The following PPFIA1 variants were observed in gnomAD, a reference collection of about 807,000 sequenced individuals.
PPFIA1 encodes the protein liprin-alpha-1.
PPFIA1 carries 25 observed loss-of-function variants against 149.9 expected under a neutral mutation model. The observed-to-expected ratio is 0.17, with a 90% CI of 0.12 to 0.23. The LOEUF is 0.23. Ranked by LOEUF, PPFIA1 falls within the 10% of genes least tolerant of loss-of-function variation. PPFIA1 has a pLI of 1.00. For synonymous variants in PPFIA1, 549 were observed against 552.8 expected, an observed-to-expected ratio of 0.99 and a Z score of 0.10; for missense variants, 1,362 against 1,506.5, an observed-to-expected ratio of 0.90 and a Z score of 1.59.
chr11:70,305,635 G>A (rs2136423289), intron 2 of PPFIA1, among the ~76,000 whole-genome samples: 1 of 152,274 alleles, frequency 6.6e-6, no homozygotes, highest in Admixed American at 6.5e-5. Context: ...CTCCCAAAGT[G>A]TTGGGATTGC....
chr11:70,283,926 G>C lies in PPFIA1; in HGVS notation c.264+11490G>C, dbSNP rs188155062. ...TTATCTGGCCCCAAATGTTGGAAGT[G>C]TCCAGGTTTAGGTATAAAGAATCAG... On this transcript the variant is annotated intron_variant, in intron 2 of 27. Transcript: ENST00000253925. The C allele has an allele frequency of 1.1e-3, 519 of 490,024 alleles. 1 individual carries two copies. The highest frequency in any genetic ancestry group is 9.6e-3 in the African/African-American group (492 of 51,124). The allele number at this position is 490,024 out of a possible 1,614,324, so 30.4% of individuals were successfully genotyped here. A position where few individuals can be genotyped will look rare whatever the true frequency, so the allele number is the denominator to read the frequency against.
At chr11:70,379,493 G>A (rs2057620167) in intron 26 of PPFIA1, among the ~76,000 whole-genome samples, 1 of 151,658 alleles carries the variant, frequency 6.6e-6, no homozygotes. Flanking sequence ...GTGCTAATTA[G>A]GGGCCAAGCA....
chr11:70,286,522 A>G (rs2051138250), intron 2 of PPFIA1, among the ~76,000 whole-genome samples: 1 of 152,090 alleles, frequency 6.6e-6, no homozygotes, highest in Non-Finnish European at 1.5e-5. Context: ...AAGTGCTGGG[A>G]TTACAGGCGT....
At chr11:70,378,852 G>A (rs533391272) in intron 26 of PPFIA1, among the ~76,000 whole-genome samples, 4 of 152,272 alleles carry the variant, frequency 2.6e-5, no homozygotes, top group African/African-American at 9.6e-5. Context: ...TTGATTTGAG[G>A]TTAACAGTTG....
intron 2 of PPFIA1, among the ~76,000 whole-genome samples, chr11:70,303,191 C>T (rs915552261): frequency 1.8e-4 from 28 of 152,100 alleles, no homozygotes; most frequent in African/African-American, 2.7e-4. Context: ...TTCTAGACCC[C>T]GGTCTGACGC....
intron 2 of PPFIA1, among the ~76,000 whole-genome samples, chr11:70,282,920 A>G (rs779513689): frequency 8.2e-5 from 12 of 146,476 alleles, no homozygotes; most frequent in African/African-American, 3.1e-4. Flanking sequence ...GCTCACTGCA[A>G]CCTCCATGTC....
intron 2 of PPFIA1, among the ~76,000 whole-genome samples, chr11:70,311,300 C>T (rs1229110377): frequency 6.8e-6 from 1 of 147,478 alleles, no homozygotes; most frequent in Non-Finnish European, 1.5e-5. Context: ...AAGAGTGAAA[C>T]TCCATCTCAA....
Position 70,356,261 on chromosome 11 carries a change from T to C in PPFIA1, c.2582+7T>C, listed in dbSNP as rs754695147. ...ATCGTAAACTTCAAAAAAAGTAAGCTTTGTGTTATTTCTTCATCTCATTGA... is the reference window on the plus strand; with the variant it reads ...ATCGTAAACTTCAAAAAAAGTAAGCCTTGTGTTATTTCTTCATCTCATTGA... On this transcript the variant is annotated splice_region_variant and intron_variant, in intron 19 of 27. Transcript: ENST00000253925. 20 of 1,607,360 alleles carry C rather than the reference T, an allele frequency of 1.2e-5. No homozygotes were observed. In the Middle Eastern group the frequency reaches 6.6e-4, roughly 53 times the overall value.
chr11:70,273,752 T>C (rs1257979145), intron 2 of PPFIA1, among the ~76,000 whole-genome samples: 2 of 152,224 alleles, frequency 1.3e-5, no homozygotes, highest in Non-Finnish European at 2.9e-5. Flanking sequence ...ATCTTATAAA[T>C]TACCAAGTTT....
chr11:70,347,785 C>T (rs989296275), intron 15 of PPFIA1, among the ~76,000 whole-genome samples: 1 of 151,926 alleles, frequency 6.6e-6, no homozygotes, highest in Non-Finnish European at 1.5e-5. Context: ...AGGCGGATCA[C>T]GAGGTTGGAA....
intron 23 of PPFIA1, 103 bp downstream of exon 23, chr11:70,372,677 T>G: frequency 1.1e-6 from 1 of 935,950 alleles, no homozygotes; most frequent in South Asian, 1.5e-5. Flanking sequence ...AGGCTAAATT[T>G]AAGTGGAGAA....
chr11:70,331,895 A>C (rs1350943399), intron 8 of PPFIA1, 65 bp from the exon 9 acceptor site: 2 of 1,516,398 alleles, frequency 1.3e-6, no homozygotes, highest in Non-Finnish European at 1.8e-6. Flanking sequence ...AGTTTGTTTC[A>C]ATCTGTTAAA....
In PPFIA1 at chr11:70,291,419, G is replaced by A. The variant is rs143582221; in HGVS notation, c.264+18983G>A. 1.2e-3 allele frequency among the ~76,000 whole-genome samples: 181 copies of A among 152,266 alleles called. 1 individual carries two copies. Among genetic ancestry groups the A allele is most frequent in the African/African-American group, 4.0e-3 (166 of 41,548 alleles). On this transcript the variant is annotated intron_variant, in intron 2 of 27. Coordinates refer to ENST00000253925, the MANE Select transcript of PPFIA1 (RefSeq NM_003626.5). Reference sequence around the variant, plus strand: ...TCTAAAGAACTTCACTTGTGATTAAGTGTGAGATCCCATTGATGCAGAAAG... The same window carrying A: ...TCTAAAGAACTTCACTTGTGATTAAATGTGAGATCCCATTGATGCAGAAAG...
chr11:70,382,712 T>C, intron 27 of PPFIA1, among the ~76,000 whole-genome samples: 1 of 152,194 alleles, frequency 6.6e-6, no homozygotes, highest in East Asian at 1.9e-4. Context: ...TTCTAAGCAA[T>C]TTTAAGGTCT....
In PPFIA1 at chr11:70,302,928, C is replaced by A. The variant is rs537313440; in HGVS notation, c.265-21474C>A. Among the ~76,000 whole-genome samples, 154 of 152,232 alleles carry A rather than the reference C, an allele frequency of 1.0e-3. 1 individual carries two copies. The highest frequency in any genetic ancestry group is 3.9e-4 in the Admixed American group (6 of 15,280). On this transcript the variant is annotated intron_variant, in intron 2 of 27. Transcript: ENST00000253925. Reference sequence around the variant, plus strand: ...CAGGAAGAAATCCCTAATAAGGCGTCTTTCAGTTACAGCTTTATACGTAGA... The same window carrying A: ...CAGGAAGAAATCCCTAATAAGGCGTATTTCAGTTACAGCTTTATACGTAGA...
chr11:70,378,545 G>T, intron 26 of PPFIA1: 1 of 814,134 alleles, frequency 1.2e-6, no homozygotes, highest in Non-Finnish European at 1.5e-6. Flanking sequence ...TAGTAGTGTA[G>T]TAGTAGCTTC....
At chr11:70,303,982 G>A (rs1210556861) in intron 2 of PPFIA1, among the ~76,000 whole-genome samples, 1 of 152,108 alleles carries the variant, frequency 6.6e-6, no homozygotes. Context: ...CTCCAGCCTG[G>A]GAGATAGCGA....
At chr11:70,354,195 A>T in intron 16 of PPFIA1, 106 bp from the exon 17 acceptor site, 1 of 1,193,080 alleles carries the variant, frequency 8.4e-7, no homozygotes, top group Non-Finnish European at 1.2e-6. Context: ...CTGTGCTGGC[A>T]GAAAGCACAG....
chr11:70,319,505 C>T (rs887469724), intron 2 of PPFIA1, among the ~76,000 whole-genome samples: 5 of 152,206 alleles, frequency 3.3e-5, no homozygotes, highest in Admixed American at 3.3e-4. Context: ...GCAGTGAACT[C>T]ACTGCTGATT....
Sources: gnomAD v4.1 joint callset for allele counts (sites outside exome capture counted in the v4.1 genomes callset) on GRCh38, gnomAD v4.1.1 for gene constraint, MANE v1.5 for transcripts, NCBI Gene and HGNC (gene_info 2026-07-23, HGNC 2026-07-21) for gene names.